The following GAB3 variants were observed in gnomAD, a reference collection of about 807,000 sequenced individuals.
GAB3 encodes the protein GRB2-associated-binding protein 3.
Under a neutral mutation model 40.4 loss-of-function variants are expected in GAB3, and 12 were observed. The observed-to-expected ratio is 0.30, with a 90% CI of 0.19 to 0.48. GAB3 has a LOEUF of 0.48. GAB3 is among the 20% of genes least tolerant of loss of function. The pLI is 0.99. For missense variants in GAB3, 381 were observed against 461.9 expected, an observed-to-expected ratio of 0.82 and a Z score of 1.61; for synonymous variants, 154 against 176.7, an observed-to-expected ratio of 0.87 and a Z score of 1.02.
chrX:154,737,233 T>C (rs1408288115), intron 1 of GAB3, among the ~76,000 whole-genome samples: 1 of 111,715 alleles, frequency 9.0e-6, no homozygotes, highest in African/African-American at 3.3e-5. Context: ...CTTCCTTATC[T>C]TGTGCCCCTT....
At chrX:154,729,303 G>T (rs180918023) in intron 1 of GAB3, among the ~76,000 whole-genome samples, 1 of 112,075 alleles carries the variant, frequency 8.9e-6, no homozygotes, top group East Asian at 2.8e-4. Context: ...AATGTAAATG[G>T]ACTCAATGCT....
chrX:154,695,598 T>C (rs782457212), intron 8 of GAB3, among the ~76,000 whole-genome samples: 1 of 112,479 alleles, frequency 8.9e-6, no homozygotes, highest in Admixed American at 9.4e-5. Context: ...ACAAACCTAT[T>C]GGGGTCAAAC....
At chrX:154,727,237 C>T (rs1328502412) in intron 1 of GAB3, among the ~76,000 whole-genome samples, 1 of 112,469 alleles carries the variant, frequency 8.9e-6, no homozygotes, top group Non-Finnish European at 1.9e-5. Flanking sequence ...GTAGAATCTC[C>T]TCTCCATCTT....
At chrX:154,710,874 T>C (rs1365664334) in intron 4 of GAB3, among the ~76,000 whole-genome samples, 4 of 112,747 alleles carry the variant, frequency 3.5e-5, no homozygotes, top group African/African-American at 1.3e-4. Flanking sequence ...TTTAAGACTT[T>C]TAATTCATTT....
At chrX:154,683,901 T>A (rs781812271) in intron 8 of GAB3, among the ~76,000 whole-genome samples, 19 of 112,015 alleles carry the variant, frequency 1.7e-4, no homozygotes, top group Non-Finnish European at 2.8e-4. Context: ...TTGCGGTCAA[T>A]CTTCCATTTG....
At chrX:154,686,170 T>C (rs1349257463) in intron 8 of GAB3, among the ~76,000 whole-genome samples, 2 of 110,442 alleles carry the variant, frequency 1.8e-5, no homozygotes, top group Non-Finnish European at 3.8e-5. Flanking sequence ...ACAAAGACAC[T>C]ACAAAAACCT....
At chrX:154,744,339 C>T (rs1418140457) in intron 1 of GAB3, among the ~76,000 whole-genome samples, 2 of 106,030 alleles carry the variant, frequency 1.9e-5, no homozygotes. Context: ...GAAAAAGATA[C>T]ACCGTGCAAG....
intron 7 of GAB3, among the ~76,000 whole-genome samples, chrX:154,696,298 CAA>C (rs35105330): frequency 1.8e-3 from 72 of 40,133 alleles, no homozygotes; most frequent in Middle Eastern, 0.013. Flanking sequence ...TATCATTTAG[CAA>C]AAAAAAAAAA....
intron 8 of GAB3, among the ~76,000 whole-genome samples, chrX:154,695,220 C>T (rs1260561878): frequency 2.7e-5 from 3 of 111,670 alleles, no homozygotes; most frequent in Non-Finnish European, 5.6e-5. Flanking sequence ...GCTAAAGTGT[C>T]TGCTAATTGC....
At chrX:154,708,980 C>A (rs781891826) in intron 4 of GAB3, among the ~76,000 whole-genome samples, 46 of 111,822 alleles carry the variant, frequency 4.1e-4, no homozygotes, top group African/African-American at 1.1e-3. Context: ...CCCCACAAAT[C>A]TCATGTTGAA....
At chrX:154,729,388 T>C (rs1557259735) in intron 1 of GAB3, among the ~76,000 whole-genome samples, 2 of 111,811 alleles carry the variant, frequency 1.8e-5, no homozygotes, top group African/African-American at 6.5e-5. Context: ...GCGAAGAATA[T>C]GACCCAGGCC....
At chrX:154,743,929 TGA>T (rs2071484086) in intron 1 of GAB3, among the ~76,000 whole-genome samples, 1 of 110,692 alleles carries the variant, frequency 9.0e-6, no homozygotes, top group Non-Finnish European at 1.9e-5. Context: ...TAAAACAAGG[TGA>T]GAGGCTGGGT....
chrX:154,729,555 G>C (rs1557259765), intron 1 of GAB3, among the ~76,000 whole-genome samples: 1 of 111,821 alleles, frequency 8.9e-6, no homozygotes, highest in African/African-American at 3.3e-5. Context: ...AGAATTAACA[G>C]GACTGGGTCA....
At chrX:154,699,593 A>C in intron 5 of GAB3, 80 bp from the exon 6 acceptor site, 1 of 814,381 alleles carries the variant, frequency 1.2e-6, no homozygotes, top group Non-Finnish European at 1.7e-6. Context: ...AGCTGTACAT[A>C]TGGTTTCAGT....
chrX:154,710,887 A>T (rs1557255746), intron 4 of GAB3, among the ~76,000 whole-genome samples: 1 of 112,381 alleles, frequency 8.9e-6, no homozygotes, highest in Non-Finnish European at 1.9e-5. Flanking sequence ...ATTCATTTTC[A>T]TATGTTATTA....
rs782098397 is a variant in GAB3 at position 154,713,413 on chromosome X, C to T, written c.390G>A (p.Glu130=). 10 of 1,204,484 alleles carry T rather than the reference C, an allele frequency of 8.3e-6. No individual in the cohort carries two copies. The South Asian group carries it at 1.6e-4, about 19-fold the overall frequency. ...HLEDGAADSM[E]SLSYTPSSLQ... Reference sequence around the variant, plus strand: ...GGGAGGAGGGCGTGTAAGAGAGGCTCTCCATGGAATCTGCTGGAGAAATCA... The same window carrying T: ...GGGAGGAGGGCGTGTAAGAGAGGCTTTCCATGGAATCTGCTGGAGAAATCA... Residue 130 remains glutamate (E), a synonymous_variant, in exon 3 of 10, where the codon GAG becomes GAA. Transcript: ENST00000424127.
chrX:154,727,164 C>T (rs1248026769), intron 1 of GAB3, among the ~76,000 whole-genome samples: 1 of 112,405 alleles, frequency 8.9e-6, no homozygotes, highest in Non-Finnish European at 1.9e-5. Context: ...CCTGTCTCTC[C>T]CACTTCACAT....
At chrX:154,727,205 T>A (rs1323394471) in intron 1 of GAB3, among the ~76,000 whole-genome samples, 1 of 112,277 alleles carries the variant, frequency 8.9e-6, no homozygotes, top group Non-Finnish European at 1.9e-5. Flanking sequence ...TCCACACTGG[T>A]CTTTTTGCTG....
chrX:154,732,657 G>A (rs1447205843), intron 1 of GAB3, among the ~76,000 whole-genome samples: 1 of 111,681 alleles, frequency 9.0e-6, no homozygotes, highest in Non-Finnish European at 1.9e-5. Context: ...GTCTAAGGGT[G>A]AGAGGGAAGA....
Sources: allele counts gnomAD v4.1 joint callset (sites outside exome capture counted in the v4.1 genomes callset), GRCh38; gene constraint gnomAD v4.1.1; transcripts MANE v1.5; gene names NCBI Gene and HGNC (gene_info 2026-07-23, HGNC 2026-07-21).